LDB3: variants seen among roughly 807,000 people sequenced by gnomAD.
LDB3 encodes LIM domain binding 3.
Under a neutral mutation model 69.0 loss-of-function variants are expected in LDB3, and 49 were observed. The ratio of observed to expected loss-of-function variants is 0.71; its 90% CI spans 0.56 to 0.90. The LOEUF is 0.90. Among genes scored for constraint, LDB3 ranks in the 40% least tolerant of loss-of-function variants. The probability of loss-of-function intolerance (pLI) is 0.00; values close to 1 mark genes in which losing one functional copy is unlikely to be tolerated. For synonymous variants in LDB3, 387 were observed against 396.2 expected (o/e 0.98, Z 0.28); for missense variants, 928 against 974.1 (o/e 0.95, Z 0.63).
intron 5 of LDB3, among the ~76,000 whole-genome samples, chr10:86,688,398 C>T (rs1845605432): frequency 6.6e-6 from 1 of 152,162 alleles, no homozygotes; most frequent in Non-Finnish European, 1.5e-5. Context: ...GCAGGCTCCC[C>T]AGCCCCAAGG....
At chr10:86,677,435 T>C (rs553842935) in intron 2 of LDB3, among the ~76,000 whole-genome samples, 31 of 152,188 alleles carry the variant, frequency 2.0e-4, no homozygotes, top group Admixed American at 5.2e-4. Context: ...TCATGTGATA[T>C]TACTGTGGGC....
rs1178497644 is a variant in LDB3 at position 86,714,360 on chromosome 10, T to C, written c.1232-1967T>C. 3.3e-5 allele frequency among the ~76,000 whole-genome samples: 5 copies of C among 152,220 alleles called. No individual in the cohort carries two copies. In the East Asian group the frequency reaches 9.7e-4, roughly 29 times the overall value. On this transcript the variant is annotated intron_variant, in intron 9 of 13. Coordinates refer to ENST00000361373, the MANE Select transcript of LDB3 (RefSeq NM_007078.3). ...TGAGATTTTCTAGAAATTGGACTCA[T>C]ATTCTTTACAGAGGCAGCTTGGGAT...
intron 9 of LDB3, among the ~76,000 whole-genome samples, chr10:86,713,249 A>C (rs1015116533): frequency 6.6e-6 from 1 of 151,998 alleles, no homozygotes; most frequent in African/African-American, 2.4e-5. Flanking sequence ...TCTGGTCTTA[A>C]TCTTTTTATT....
At chr10:86,701,942 T>C (rs10887650) in intron 7 of LDB3, among the ~76,000 whole-genome samples, 71,934 of 151,990 alleles carry the variant, frequency 0.47, 20,894 homozygotes, top group African/African-American at 0.81. Flanking sequence ...GGCTGTAGGG[T>C]GCCTTTCACA....
At chr10:86,703,644 T>C (rs998857340) in intron 7 of LDB3, among the ~76,000 whole-genome samples, 1 of 152,270 alleles carries the variant, frequency 6.6e-6, no homozygotes, top group Non-Finnish European at 1.5e-5. Flanking sequence ...CAATATTTCA[T>C]GCCCTTTTTA....
chr10:86,725,985 C>T, intron 12 of LDB3, 152 bp from the exon 13 acceptor site: 1 of 665,716 alleles, frequency 1.5e-6, no homozygotes, highest in Non-Finnish European at 2.8e-6. Flanking sequence ...GGAAAACTAT[C>T]AGTCATGTAA....
Position 86,726,198 on chromosome 10 carries a change from C to T in LDB3, c.2040C>T (p.Asp680=). Residue 680 remains aspartate, a synonymous_variant, in exon 13 of 14, where the codon GAC becomes GAT. Coordinates refer to ENST00000361373, the MANE Select transcript of LDB3 (RefSeq NM_007078.3). The part of the protein sequence containing the change: ...HGCDFPVEAG[D]KFIEALGHTW... ...GCGATTTCCCCGTGGAGGCTGGCGA[C>T]AAGTTTATCGAAGCCCTGGGCCACA... The T allele has an allele frequency of 6.2e-7, 1 of 1,614,096 alleles. No homozygotes were observed. Among genetic ancestry groups the T allele is most frequent in the Non-Finnish European group, 8.5e-7 (1 of 1,180,034 alleles).
intron 7 of LDB3, among the ~76,000 whole-genome samples, chr10:86,704,907 G>T (rs1043476105): frequency 4.6e-5 from 7 of 151,776 alleles, no homozygotes; most frequent in African/African-American, 1.7e-4. Context: ...GTAGAGACAA[G>T]GTTTCTCCAC....
intron 6 of LDB3, 87 bp downstream of exon 6, chr10:86,692,152 G>A: frequency 6.8e-7 from 1 of 1,473,292 alleles, no homozygotes; most frequent in South Asian, 1.2e-5. Flanking sequence ...AGAAGCCAGG[G>A]AGTCCTGCTA....
intron 5 of LDB3, among the ~76,000 whole-genome samples, chr10:86,684,399 G>A (rs987200981): frequency 3.9e-5 from 6 of 152,248 alleles, no homozygotes; most frequent in Non-Finnish European, 7.4e-5. Context: ...GGCAGAGGCA[G>A]CCCCCACCCC....
At chr10:86,712,862 C>T (rs1846719033) in intron 9 of LDB3, among the ~76,000 whole-genome samples, 1 of 152,118 alleles carries the variant, frequency 6.6e-6, no homozygotes, top group Non-Finnish European at 1.5e-5. Context: ...AGATCGAGAC[C>T]ACCAGGGTAA....
Position 86,679,504 on chromosome 10 carries a change from C to T in LDB3, c.231C>T (p.Ser77=), listed in dbSNP as rs1431421590. 6.2e-7 allele frequency: 1 copy of T among 1,613,968 alleles called. No homozygotes were observed. The highest frequency in any genetic ancestry group is 8.5e-7 in the Non-Finnish European group (1 of 1,180,034). ...NKIKSASYNL[S]LTLQKSKRPI... ...TCAAGTCTGCCAGCTACAACTTGAGCCTCACCCTGCAGAAGTAGGTGGGAG... is the reference window on the plus strand; with the variant it reads ...TCAAGTCTGCCAGCTACAACTTGAGTCTCACCCTGCAGAAGTAGGTGGGAG... The change falls in exon 3 of 14, where the codon AGC becomes AGT. Residue 77 remains serine (S), a synonymous_variant. Coordinates refer to ENST00000361373, the MANE Select transcript of LDB3 (RefSeq NM_007078.3).
chr10:86,689,186 C>T (rs956077527), intron 5 of LDB3, among the ~76,000 whole-genome samples: 1 of 152,192 alleles, frequency 6.6e-6, no homozygotes, highest in Admixed American at 6.5e-5. Context: ...TAACCCGGCT[C>T]TCTTGTGTGC....
intron 2 of LDB3, 77 bp downstream of exon 2, chr10:86,668,861 G>A: frequency 8.8e-7 from 1 of 1,132,636 alleles, no homozygotes; most frequent in East Asian, 2.4e-5. Context: ...CCGTCTGTCT[G>A]TCTGTCCTTT....
rs1846579269 is a variant in LDB3, at chr10:86,709,958, C to T, written c.1139C>T (p.Thr380Ile). The T allele has an allele frequency of 6.2e-7, 1 of 1,613,062 alleles. No individual in the cohort carries two copies. The highest frequency in any genetic ancestry group is 1.3e-5 in the African/African-American group (1 of 75,068). Reference sequence around the variant, plus strand: ...GTGGCCGCCTCTTCAGCACCTGCCACCCACACCAGCTACAGTGAGGGCCCC... The same window carrying T: ...GTGGCCGCCTCTTCAGCACCTGCCATCCACACCAGCTACAGTGAGGGCCCC... ...PAVAASSAPATHTSYSEGPAA... is the reference protein window; with the variant it reads ...PAVAASSAPAIHTSYSEGPAA... The change falls in exon 9 of 14, where the codon ACC becomes ATC. Residue 380 changes from threonine to isoleucine, a missense_variant. Thr to Ile is a moderately conservative substitution (Grantham distance 89, BLOSUM62 -1). Coordinates refer to ENST00000361373, the MANE Select transcript of LDB3 (RefSeq NM_007078.3).
intron 2 of LDB3, among the ~76,000 whole-genome samples, chr10:86,673,187 C>T (rs1017547438): frequency 1.2e-4 from 18 of 152,236 alleles, no homozygotes; most frequent in Admixed American, 2.6e-4. Context: ...ATTGGCCACA[C>T]CCAAGACCCA....
At chr10:86,716,813 C>CGT in intron 10 of LDB3, 42 bp downstream of exon 10, 1 of 1,559,224 alleles carries the variant, frequency 6.4e-7, no homozygotes, top group Non-Finnish European at 8.7e-7. Flanking sequence ...ACTGGAAGGG[C>CGT]GTGTGTGTGG....
chr10:86,728,591 T>TTTTTTTGTTTTTG (rs1554868952), intron 13 of LDB3, among the ~76,000 whole-genome samples: 1 of 148,320 alleles, frequency 6.7e-6, no homozygotes, highest in Middle Eastern at 3.4e-3. Flanking sequence ...CTTTTGTTTT[T>TTTTTTTGTTTTTG]TTTTTTTTTT....
intron 7 of LDB3, among the ~76,000 whole-genome samples, chr10:86,700,923 C>T (rs962467166): frequency 6.6e-6 from 1 of 152,246 alleles, no homozygotes; most frequent in African/African-American, 2.4e-5. Flanking sequence ...AGGCCCAGCC[C>T]TCAAGGCTGT....
Sources: gnomAD v4.1 joint callset for allele counts (sites outside exome capture counted in the v4.1 genomes callset) on GRCh38, gnomAD v4.1.1 for gene constraint, MANE v1.5 for transcripts, NCBI Gene and HGNC (gene_info 2026-07-23, HGNC 2026-07-21) for gene names.